The following AMPH variants were observed in gnomAD, a reference collection of about 807,000 sequenced individuals.
The protein encoded by AMPH is amphiphysin.
In AMPH, 49 loss-of-function variants were observed where a neutral mutation model predicts 99.1. That is an observed-to-expected ratio of 0.49 (90% confidence interval 0.39 to 0.63). The LOEUF is 0.63. Ranked by LOEUF, AMPH falls within the 20% of genes least tolerant of loss-of-function variation. AMPH has a pLI of 0.00. For synonymous variants in AMPH, 314 were observed against 317.3 expected (o/e 0.99, Z 0.11); for missense variants, 759 against 863.4 (o/e 0.88, Z 1.52).
chr7:38,465,568 C>T lies in AMPH; in HGVS notation c.667-19G>A, dbSNP rs200801487. 64 of 1,563,956 alleles carry T rather than the reference C, an allele frequency of 4.1e-5. No homozygotes were observed. The African/African-American group carries it at 6.1e-4, about 15-fold the overall frequency. On this transcript the variant is annotated intron_variant, in intron 8 of 20. Transcript: ENST00000356264. ...GGCAAAGCTAAGGGGACAGAGGCCA[C>T]TTGTCTATTAGTCACATGTCATTCT...
At chr7:38,416,216 G>A (rs1486135518) in intron 17 of AMPH, among the ~76,000 whole-genome samples, 1 of 150,600 alleles carries the variant, frequency 6.6e-6, no homozygotes, top group Non-Finnish European at 1.5e-5. Flanking sequence ...AAAAACAAAA[G>A]CCTACTTAGA....
intron 5 of AMPH, 96 bp from the exon 6 acceptor site, chr7:38,477,065 G>A (rs1473461094): frequency 7.9e-6 from 8 of 1,013,000 alleles, no homozygotes; most frequent in Non-Finnish European, 1.1e-5. Flanking sequence ...GGCCAGAGCT[G>A]CTGAGGATCT....
chr7:38,587,034 CACACAT>C (rs779101580), intron 1 of AMPH, among the ~76,000 whole-genome samples: 15 of 151,230 alleles, frequency 9.9e-5, no homozygotes, highest in East Asian at 5.9e-4. Flanking sequence ...CACACACACA[CACACAT>C]AAAATCCACA....
intron 1 of AMPH, among the ~76,000 whole-genome samples, chr7:38,598,877 G>GTT (rs1793152389): frequency 1.3e-5 from 2 of 151,738 alleles, no homozygotes; most frequent in Non-Finnish European, 2.9e-5. Context: ...CTTAGATTGG[G>GTT]TTTTCCTGGC....
At chr7:38,407,076 ATGTGTGTGTGTGTGTGTGTGTGTG>A (rs70975098) in intron 17 of AMPH, among the ~76,000 whole-genome samples, 1 of 19,732 alleles carries the variant, frequency 5.1e-5, no homozygotes, top group African/African-American at 1.9e-4. Context: ...ATATATATAT[ATGTGTGTGTGTGTGTGTGTGTGTG>A]TGTGTGTGTG....
In AMPH at chr7:38,422,466, A is replaced by T. The variant is rs780098833; in HGVS notation, c.1227T>A (p.Thr409=). 3.1e-6 allele frequency: 5 copies of T among 1,613,390 alleles called. No individual in the cohort carries two copies. In the South Asian group the frequency reaches 5.5e-5, roughly 18 times the overall value. Residue 409 remains threonine (T), a synonymous_variant, in exon 16 of 21, where the codon ACT becomes ACA. Transcript: ENST00000356264. ...GGTCTGTCTGCATTGTGAATAATGA[A>T]GTATCCTGGGGCTGAAAATCAAGGA... ...SFNGFTQPQD[T]SLFTMQTDQS... is the part of the protein sequence containing the mutation.
At chr7:38,498,628 A>G (rs1005400301) in intron 3 of AMPH, among the ~76,000 whole-genome samples, 15 of 152,234 alleles carry the variant, frequency 9.9e-5, no homozygotes, top group African/African-American at 3.6e-4. Flanking sequence ...GTTAGCTAAT[A>G]GTATTATTGA....
At chr7:38,607,602 G>A (rs536601527) in intron 1 of AMPH, among the ~76,000 whole-genome samples, 19 of 152,160 alleles carry the variant, frequency 1.2e-4, no homozygotes, top group Non-Finnish European at 2.4e-4. Context: ...AGCAGTTGAG[G>A]AAAAGAAACC....
chr7:38,385,276 G>A (rs2128971575), intron 20 of AMPH, among the ~76,000 whole-genome samples: 1 of 152,284 alleles, frequency 6.6e-6, no homozygotes, highest in East Asian at 1.9e-4. Flanking sequence ...TACAACCAGT[G>A]CAAAGACAGG....
chr7:38,533,422 G>A lies in AMPH; in HGVS notation c.150+1509C>T, dbSNP rs567807013. ...ATTCATGGTAAACTGACTACCTATC[G>A]CACATGCCAACACTTAGTCTTGGGA... On this transcript the variant is annotated intron_variant, in intron 2 of 20. Coordinates refer to ENST00000356264, the MANE Select transcript of AMPH (RefSeq NM_001635.4). Among the ~76,000 whole-genome samples, 28 of 152,122 alleles carry A rather than the reference G, an allele frequency of 1.8e-4. 1 individual carries two copies. The South Asian group carries it at 5.4e-3, about 29-fold the overall frequency.
At chr7:38,456,375 T>G (rs956984737) in intron 11 of AMPH, among the ~76,000 whole-genome samples, 7 of 152,172 alleles carry the variant, frequency 4.6e-5, no homozygotes, top group African/African-American at 1.7e-4. Flanking sequence ...ACCCAGCATG[T>G]CACAACCAGT....
chr7:38,473,629 G>A (rs1382522673), intron 7 of AMPH, among the ~76,000 whole-genome samples: 3 of 86,576 alleles, frequency 3.5e-5, no homozygotes, highest in East Asian at 5.2e-4. Flanking sequence ...GCGTGAACCC[G>A]GGAAGCGGAG....
At chr7:38,509,699 G>A (rs1309675685) in intron 2 of AMPH, among the ~76,000 whole-genome samples, 5 of 152,028 alleles carry the variant, frequency 3.3e-5, no homozygotes, top group Admixed American at 3.3e-4. Context: ...GTGCATCATG[G>A]GCATTATTTA....
chr7:38,449,077 G>C (rs2284249), intron 11 of AMPH, among the ~76,000 whole-genome samples: 8,640 of 152,190 alleles, frequency 0.057, 640 homozygotes, highest in East Asian at 0.35. Context: ...CTAGTGGAAA[G>C]ACAGATGACT....
At chr7:38,499,333 A>G (rs1789048027) in intron 3 of AMPH, among the ~76,000 whole-genome samples, 1 of 152,212 alleles carries the variant, frequency 6.6e-6, no homozygotes. Context: ...TGCAAGCATA[A>G]GATCTGCCTC....
chr7:38,570,235 C>CT (rs1450191020), intron 1 of AMPH, among the ~76,000 whole-genome samples: 1 of 152,128 alleles, frequency 6.6e-6, no homozygotes, highest in Non-Finnish European at 1.5e-5. Flanking sequence ...ATTAGCAATG[C>CT]AGACTTGATG....
chr7:38,405,834 G>T (rs1784970397), intron 17 of AMPH, among the ~76,000 whole-genome samples: 1 of 152,100 alleles, frequency 6.6e-6, no homozygotes, highest in Non-Finnish European at 1.5e-5. Flanking sequence ...AACTAACACA[G>T]AAACTCTGGA....
Position 38,491,034 on chromosome 7 carries a change from A to G in AMPH, c.396+16T>C. Reference sequence around the variant, plus strand: ...CCCCACTCAATCCTTCCCTTTATAGACACAGAGTAAAATACCTTTATGTCA... The same window carrying G: ...CCCCACTCAATCCTTCCCTTTATAGGCACAGAGTAAAATACCTTTATGTCA... On this transcript the variant is annotated intron_variant, in intron 5 of 20. Transcript: ENST00000356264. 1 of 1,552,922 alleles carries G rather than the reference A, an allele frequency of 6.4e-7. No homozygotes were observed. The highest frequency in any genetic ancestry group is 1.4e-5 in the African/African-American group (1 of 73,620).
rs1788043503 is a variant in AMPH, at chr7:38,475,421, G to C, written c.505-5C>G. The C allele has an allele frequency of 1.2e-6, 2 of 1,604,226 alleles. No individual in the cohort carries two copies. Among genetic ancestry groups the C allele is most frequent in the Admixed American group, 3.3e-5 (2 of 59,802 alleles). On this transcript the variant is annotated splice_polypyrimidine_tract_variant and splice_region_variant and intron_variant, in intron 6 of 20. Coordinates refer to ENST00000356264, the MANE Select transcript of AMPH (RefSeq NM_001635.4). ...TTTCTGAAATTCTTCTTCTGCCTAGGAATGAAACATAACATGTGTTTACAC... is the reference window on the plus strand; with the variant it reads ...TTTCTGAAATTCTTCTTCTGCCTAGCAATGAAACATAACATGTGTTTACAC...
Sources: allele counts gnomAD v4.1 joint callset (sites outside exome capture counted in the v4.1 genomes callset), GRCh38; gene constraint gnomAD v4.1.1; transcripts MANE v1.5; gene names NCBI Gene and HGNC (gene_info 2026-07-23, HGNC 2026-07-21).